The following COQ8A variants were observed in gnomAD, a reference collection of about 807,000 sequenced individuals.
COQ8A encodes the protein atypical kinase COQ8A, mitochondrial.
Under a neutral mutation model 65.0 loss-of-function variants are expected in COQ8A, and 51 were observed. The observed-to-expected ratio is 0.78, with a 90% CI of 0.63 to 0.99. COQ8A has a LOEUF of 0.99. COQ8A is among the 50% of genes least tolerant of loss of function. COQ8A has a pLI of 0.00. For missense variants in COQ8A, 940 were observed against 875.0 expected, an observed-to-expected ratio of 1.07 and a Z score of -0.94; for synonymous variants, 371 against 353.2, an observed-to-expected ratio of 1.05 and a Z score of -0.57.
intron 4 of COQ8A, among the ~76,000 whole-genome samples, chr1:226,976,758 C>T (rs917795402): frequency 4.6e-5 from 7 of 152,170 alleles, no homozygotes; most frequent in East Asian, 1.9e-4. Context: ...GACCTTGATT[C>T]GGAAGATTGT....
chr1:226,965,871 CA>C (rs1284567679), intron 4 of COQ8A, 134 bp downstream of exon 4: 6 of 914,928 alleles, frequency 6.6e-6, no homozygotes, highest in Non-Finnish European at 1.0e-5. Flanking sequence ...GCCGCCCCTG[CA>C]TGAGCTTTTG....
chr1:226,948,233 C>T (rs989266527), intron 1 of COQ8A, among the ~76,000 whole-genome samples: 3 of 152,184 alleles, frequency 2.0e-5, no homozygotes, highest in African/African-American at 7.2e-5. Flanking sequence ...TTGCCTTTTC[C>T]AGCCTAGAGG....
chr1:226,979,606 G>A (rs1379538798), intron 5 of COQ8A, among the ~76,000 whole-genome samples: 1 of 152,186 alleles, frequency 6.6e-6, no homozygotes, highest in African/African-American at 2.4e-5. Flanking sequence ...CCAGTGTCTG[G>A]CCACACTGCA....
rs533003223 is a variant in COQ8A, at chr1:226,950,296, C to A, written c.-10+9897C>A. Among the ~76,000 whole-genome samples, 17 of 152,318 alleles carry A rather than the reference C, an allele frequency of 1.1e-4. No homozygotes were observed. In the South Asian group the frequency reaches 3.5e-3, roughly 32 times the overall value. ...CCCCAACCCTGCCCAGCTCCCAACCCAGTGCTCACCACAGGGCAACTCACC... is the reference window on the plus strand; with the variant it reads ...CCCCAACCCTGCCCAGCTCCCAACCAAGTGCTCACCACAGGGCAACTCACC... On this transcript the variant is annotated intron_variant, in intron 1 of 14. Coordinates refer to ENST00000366777, the MANE Select transcript of COQ8A (RefSeq NM_020247.5).
At chr1:226,945,250 C>T (rs1019157162) in intron 1 of COQ8A, among the ~76,000 whole-genome samples, 1 of 152,184 alleles carries the variant, frequency 6.6e-6, no homozygotes, top group African/African-American at 2.4e-5. Context: ...TGAGGTCACC[C>T]GCGCTTGGTG....
At chr1:226,953,181 CACCACGCTTGGATA>C (rs1657494146) in intron 1 of COQ8A, among the ~76,000 whole-genome samples, 1 of 152,192 alleles carries the variant, frequency 6.6e-6, no homozygotes, top group South Asian at 2.1e-4. Context: ...AGGCGCATGC[CACCACGCTTGGATA>C]ACTTTCGTAT....
At position 226,965,149 on chromosome 1, in the gene COQ8A, T is replaced by C. The variant is rs761794645; in HGVS notation, c.327T>C (p.His109=). 5.6e-6 allele frequency: 9 copies of C among 1,613,900 alleles called. No individual in the cohort carries two copies. Among genetic ancestry groups the C allele is most frequent in the Non-Finnish European group, 7.6e-6 (9 of 1,180,030 alleles). ...AGTCAGCGCCCCCATCCCTGGGTCATGCCCACAGCGAGGGCCCAGCTCCTG... is the reference window on the plus strand; with the variant it reads ...AGTCAGCGCCCCCATCCCTGGGTCACGCCCACAGCGAGGGCCCAGCTCCTG... ...PDQSAPPSLG[H]AHSEGPAPAY... The change falls in exon 3 of 15, where the codon CAT becomes CAC. Residue 109 remains histidine, a synonymous_variant. Transcript: ENST00000366777.
Position 226,982,880 on chromosome 1 carries a change from G to T in COQ8A, c.940-14G>T. On this transcript the variant is annotated splice_polypyrimidine_tract_variant and intron_variant, in intron 7 of 14. Coordinates refer to ENST00000366777, the MANE Select transcript of COQ8A (RefSeq NM_020247.5). ...AGGGCATGCTCAGAGCCCCTCCCTG[G>T]CCCTGCCCTTCAGAAAACTCTCAAC... 6.2e-7 allele frequency: 1 copy of T among 1,612,726 alleles called. No homozygotes were observed. Among genetic ancestry groups the T allele is most frequent in the South Asian group, 1.1e-5 (1 of 91,064 alleles).
chr1:226,969,358 G>C (rs1658749814), intron 4 of COQ8A, among the ~76,000 whole-genome samples: 1 of 152,090 alleles, frequency 6.6e-6, no homozygotes, highest in African/African-American at 2.4e-5. Flanking sequence ...GAGTGCAGTG[G>C]CACAATCTTG....
Position 226,971,369 on chromosome 1 carries a change from G to A in COQ8A, c.655+5632G>A, listed in dbSNP as rs1033032843. On this transcript the variant is annotated intron_variant, in intron 4 of 14. Coordinates refer to ENST00000366777, the MANE Select transcript of COQ8A (RefSeq NM_020247.5). The stretch of plus-strand genomic sequence containing the variant: ...AGATCGAGACGATCCTGGCTAACAC[G>A]GTGAAACCCCATCTCTACTAAAAGT... Among the ~76,000 whole-genome samples the A allele has an allele frequency of 1.3e-4, 20 of 151,994 alleles. 1 individual carries two copies. Among genetic ancestry groups the A allele is most frequent in the South Asian group, 8.3e-4 (4 of 4,824 alleles).
rs118056144 is a variant in COQ8A at position 226,953,935 on chromosome 1, A to G, written c.-9-7442A>G. Among the ~76,000 whole-genome samples, 322 of 152,376 alleles carry G rather than the reference A, an allele frequency of 2.1e-3. 9 individuals carry two copies. The East Asian group carries it at 0.045, about 21-fold the overall frequency. On this transcript the variant is annotated intron_variant, in intron 1 of 14. Coordinates refer to ENST00000366777, the MANE Select transcript of COQ8A (RefSeq NM_020247.5). ...ATTCTTGTGAGTCCTTGGAGGAAACAGTCAATTGTTTTCTTTTTCTAAGAG... is the reference window on the plus strand; with the variant it reads ...ATTCTTGTGAGTCCTTGGAGGAAACGGTCAATTGTTTTCTTTTTCTAAGAG...
At position 226,987,282 on chromosome 1, in the gene COQ8A, C is replaced by T. The variant is rs779651305; in HGVS notation, c.*545C>T. ...GCCTGCGAGGCCCAGGCCTGTGGGG[C>T]TGGTTCTCACCTTTGACAGCTGAAT... is the stretch of plus-strand genomic sequence containing the variant. On this transcript the variant is annotated 3_prime_UTR_variant, in exon 15 of 15. Coordinates refer to ENST00000366777, the MANE Select transcript of COQ8A (RefSeq NM_020247.5). 1 of 158,186 alleles carries T rather than the reference C, an allele frequency of 6.3e-6. No homozygotes were observed. Among genetic ancestry groups the T allele is most frequent in the Non-Finnish European group, 1.4e-5 (1 of 71,628 alleles). 9.8% of individuals were successfully genotyped at this position (158,186 alleles called of 1,614,324 possible).
At chr1:226,981,719 A>G (rs930406620) in intron 5 of COQ8A, among the ~76,000 whole-genome samples, 4 of 152,154 alleles carry the variant, frequency 2.6e-5, no homozygotes, top group Non-Finnish European at 5.9e-5. Context: ...AGGCAGCACC[A>G]TGGCCCTGTC....
intron 1 of COQ8A, among the ~76,000 whole-genome samples, chr1:226,947,186 A>C (rs1167115342): frequency 2.0e-5 from 3 of 152,356 alleles, no homozygotes; most frequent in African/African-American, 7.2e-5. Flanking sequence ...TTAACAAAAA[A>C]GGAGTTATTG....
Position 226,978,140 on chromosome 1 carries a change from C to T in COQ8A, c.730+617C>T, listed in dbSNP as rs1024337467. Among the ~76,000 whole-genome samples the T allele has an allele frequency of 1.2e-4, 18 of 151,082 alleles. 1 individual carries two copies. Among genetic ancestry groups the T allele is most frequent in the Non-Finnish European group, 4.4e-5 (3 of 67,708 alleles). ...CCCCTGCACACCCACCAAACACCCA[C>T]ACATCTTACCCTCCACACACCCACG... is the stretch of plus-strand genomic sequence containing the variant. On this transcript the variant is annotated intron_variant, in intron 5 of 14. Transcript: ENST00000366777.
chr1:226,987,013 TTTC>T lies in COQ8A; in HGVS notation c.*282_*284del, dbSNP rs540461310. The stretch of plus-strand genomic sequence containing the variant: ...GATGAAGATGAAAGGGCAACTTTGT[TTTC>T]TTCTTTTTCCTGATGTGAATGTTAA... On this transcript the variant is annotated 3_prime_UTR_variant, in exon 15 of 15. Coordinates refer to ENST00000366777, the MANE Select transcript of COQ8A (RefSeq NM_020247.5). The T allele has an allele frequency of 2.0e-4, 105 of 516,060 alleles. No homozygotes were observed. The highest frequency in any genetic ancestry group is 1.3e-3 in the Admixed American group (41 of 30,494). The allele number at this position is 516,060 out of a possible 1,614,324, so 32.0% of individuals were successfully genotyped here.
rs767677935 is a variant in COQ8A at position 226,985,327 on chromosome 1, G to A, written c.1646G>A (p.Gly549Asp). ...TCCATAGAGATGAAGTTCCTCACCG[G>A]CTACGAGGTCAAGGTGAGCAGGGTT... ...AKSIEMKFLT[G>D]YEVKVMEDAH... Residue 549 changes from glycine (G) to aspartate (D), a missense_variant, in exon 14 of 15, where the codon GGC (glycine) becomes GAC (aspartate). Coordinates refer to ENST00000366777, the MANE Select transcript of COQ8A (RefSeq NM_020247.5). 11 of 1,613,514 alleles carry A rather than the reference G, an allele frequency of 6.8e-6. No homozygotes were observed. The highest frequency in any genetic ancestry group is 7.6e-6 in the Non-Finnish European group (9 of 1,180,012).
intron 2 of COQ8A, among the ~76,000 whole-genome samples, chr1:226,964,037 G>C (rs562868987): frequency 1.8e-4 from 28 of 152,302 alleles, no homozygotes; most frequent in Admixed American, 6.5e-4. Flanking sequence ...TCAGTTTCCT[G>C]TTTTTGAAAT....
At chr1:226,961,929 G>A (rs1444539565) in intron 2 of COQ8A, among the ~76,000 whole-genome samples, 1 of 152,196 alleles carries the variant, frequency 6.6e-6, no homozygotes, top group African/African-American at 2.4e-5. Context: ...GGGCAAGGCT[G>A]CTCTCTAGGG....
Sources: allele counts gnomAD v4.1 joint callset (sites outside exome capture counted in the v4.1 genomes callset), GRCh38; gene constraint gnomAD v4.1.1; transcripts MANE v1.5; gene names NCBI Gene and HGNC (gene_info 2026-07-23, HGNC 2026-07-21).